TK2: variants seen among roughly 807,000 people sequenced by gnomAD.
The protein encoded by TK2 is thymidine kinase 2, mitochondrial.
A neutral mutation model predicts 41.9 loss-of-function variants in TK2; 35 were observed. The observed-to-expected ratio is 0.84, with a 90% confidence interval of 0.64 to 1.11. The LOEUF (loss-of-function observed/expected upper bound fraction) is 1.11, where lower values mean the gene tolerates loss of function less well. TK2 is among the 50% of genes least tolerant of loss of function. The probability of loss-of-function intolerance (pLI) is 0.00; values close to 1 mark genes in which losing one functional copy is unlikely to be tolerated. For missense variants in TK2, 320 were observed against 351.1 expected, an observed-to-expected ratio of 0.91 and a Z score of 0.71; for synonymous variants, 128 against 129.1, an observed-to-expected ratio of 0.99 and a Z score of 0.06.
rs572643848 is a variant in TK2, at chr16:66,508,026, C to T, written c.*3942G>A. 6.6e-6 allele frequency: 1 copy of T among 152,310 alleles called. No individual in the cohort carries two copies. Among genetic ancestry groups the T allele is most frequent in the African/African-American group, 2.4e-5 (1 of 41,578 alleles). 9.4% of individuals were successfully genotyped at this position (152,310 alleles called of 1,614,324 possible). A position where few individuals can be genotyped will look rare whatever the true frequency, so the allele number is the denominator to read the frequency against. On this transcript the variant is annotated 3_prime_UTR_variant, in exon 10 of 10. Coordinates refer to ENST00000544898, the MANE Select transcript of TK2 (RefSeq NM_004614.5). ...TGTGAATGGAAAATGGTTTATTTGA[C>T]CACTCTCTTATGTATGCATCTTTAG...
chr16:66,545,087 C>T (rs1965565556), intron 2 of TK2, among the ~76,000 whole-genome samples: 1 of 139,822 alleles, frequency 7.2e-6, no homozygotes. Flanking sequence ...GAGTGAGACC[C>T]TGTCTTCAAA....
At chr16:66,525,790 G>A (rs1032237213) in intron 6 of TK2, among the ~76,000 whole-genome samples, 1 of 152,214 alleles carries the variant, frequency 6.6e-6, no homozygotes, top group African/African-American at 2.4e-5. Flanking sequence ...CCCAAGAACA[G>A]AAAGGACACT....
In TK2 at chr16:66,514,814, T is replaced by C. The variant is rs1464813164; in HGVS notation, c.619-1003A>G. 6.6e-6 allele frequency among the ~76,000 whole-genome samples: 1 copy of C among 152,224 alleles called. No individual in the cohort carries two copies. Among genetic ancestry groups the C allele is most frequent in the Non-Finnish European group, 1.5e-5 (1 of 68,022 alleles). ...AGACATAGGAGACTCCATTTTGTTC[T>C]GTACTAAGAAAAATTCTTCTGCCTT... On this transcript the variant is annotated intron_variant, in intron 8 of 9. Coordinates refer to ENST00000544898, the MANE Select transcript of TK2 (RefSeq NM_004614.5). The surrounding 1 kb of genome is among the most constrained non-coding windows in gnomAD (Gnocchi z 4.2).
At chr16:66,515,339 A>AC (rs1964580465) in intron 8 of TK2, among the ~76,000 whole-genome samples, 1 of 151,720 alleles carries the variant, frequency 6.6e-6, no homozygotes, top group South Asian at 2.1e-4. Flanking sequence ...TTGCCCTTCT[A>AC]CCCCCTCAAC....
chr16:66,525,497 G>T (rs1334809513), intron 6 of TK2, among the ~76,000 whole-genome samples: 1 of 152,240 alleles, frequency 6.6e-6, no homozygotes, highest in East Asian at 1.9e-4. Flanking sequence ...GGTCTGGGAG[G>T]ATGAGGAAGC....
At chr16:66,519,892 A>G (rs913835805) in intron 6 of TK2, among the ~76,000 whole-genome samples, 2 of 152,178 alleles carry the variant, frequency 1.3e-5, no homozygotes, top group Non-Finnish European at 2.9e-5. Context: ...GAAGGAAGTA[A>G]GAGGCTGGAA....
intron 5 of TK2, 33 bp downstream of exon 5, chr16:66,531,347 T>C: frequency 6.2e-7 from 1 of 1,608,152 alleles, no homozygotes; most frequent in Non-Finnish European, 8.5e-7. Flanking sequence ...AGAAAACGTT[T>C]AAGAAGGCTG....
chr16:66,516,207 G>A (rs548282116), intron 8 of TK2, among the ~76,000 whole-genome samples: 1 of 152,254 alleles, frequency 6.6e-6, no homozygotes, highest in East Asian at 1.9e-4. Flanking sequence ...GGGTTACAAT[G>A]GAAGGAAGGT....
At chr16:66,547,671 T>C (rs1965650096) in intron 2 of TK2, among the ~76,000 whole-genome samples, 1 of 151,270 alleles carries the variant, frequency 6.6e-6, no homozygotes, top group South Asian at 2.1e-4. Context: ...GTCTCCCCCA[T>C]CAGACAGACC....
In TK2 at chr16:66,541,966, G is replaced by A. The variant is rs771481375; in HGVS notation, c.157-13C>T. The A allele has an allele frequency of 9.9e-6, 16 of 1,613,720 alleles. No individual in the cohort carries two copies. Among genetic ancestry groups the A allele is most frequent in the Admixed American group, 3.3e-5 (2 of 59,992 alleles). On this transcript the variant is annotated splice_polypyrimidine_tract_variant and intron_variant, in intron 2 of 9. Coordinates refer to ENST00000544898, the MANE Select transcript of TK2 (RefSeq NM_004614.5). ...CCTCGACACAGATCTGGCAAAAGAC[G>A]AATGCATATTAGAGCCAGAACTCAA...
intron 6 of TK2, among the ~76,000 whole-genome samples, chr16:66,523,702 G>A (rs1230422239): frequency 6.6e-6 from 1 of 152,002 alleles, no homozygotes; most frequent in Non-Finnish European, 1.5e-5. Flanking sequence ...GGTGGTGGGC[G>A]CCTGTAATCC....
At chr16:66,543,140 C>T (rs193044568) in intron 2 of TK2, among the ~76,000 whole-genome samples, 398 of 152,332 alleles carry the variant, frequency 2.6e-3, no homozygotes, top group East Asian at 6.8e-3. Context: ...TCCCAAAGTG[C>T]TGGGATTACA....
chr16:66,543,156 G>A (rs1360037091), intron 2 of TK2, among the ~76,000 whole-genome samples: 1 of 152,218 alleles, frequency 6.6e-6, no homozygotes, highest in Non-Finnish European at 1.5e-5. Flanking sequence ...TTACAGGCGT[G>A]AGCCACTGCA....
At chr16:66,542,051 T>A in intron 2 of TK2, 98 bp from the exon 3 acceptor site, 1 of 1,328,286 alleles carries the variant, frequency 7.5e-7, no homozygotes. Context: ...ACCAGCATAA[T>A]TGGTTCAGTC....
chr16:66,533,984 G>A (rs1385561434), intron 4 of TK2, among the ~76,000 whole-genome samples: 3 of 144,096 alleles, frequency 2.1e-5, no homozygotes, highest in East Asian at 4.0e-4. Context: ...CTCCAGCCTG[G>A]GCGACAGAGT....
At chr16:66,528,627 G>A (rs188517954) in intron 6 of TK2, among the ~76,000 whole-genome samples, 198 of 152,282 alleles carry the variant, frequency 1.3e-3, no homozygotes, top group African/African-American at 3.9e-3. Context: ...CTTTGTCACC[G>A]TGAGAAGTGG....
At chr16:66,519,858 C>A (rs1964729011) in intron 6 of TK2, among the ~76,000 whole-genome samples, 1 of 152,150 alleles carries the variant, frequency 6.6e-6, no homozygotes, top group South Asian at 2.1e-4. Flanking sequence ...GGGCTGACTC[C>A]AGTCCCACGA....
Position 66,548,963 on chromosome 16 carries a change from A to G in TK2, c.156+15T>C, listed in dbSNP as rs80083556. On this transcript the variant is annotated intron_variant, in intron 2 of 9. Transcript: ENST00000544898. The stretch of plus-strand genomic sequence containing the variant: ...CCAAATTATCCTAGAGAGTACACAT[A>G]AAAGAGGGACTTACCACTGATTTTT... 18,159 of 1,611,374 alleles carry G rather than the reference A, an allele frequency of 0.011. 1,765 individuals are homozygous for G. The African/African-American group carries it at 0.21, about 19-fold the overall frequency.
chr16:66,536,280 T>A (rs1174330723), intron 4 of TK2, among the ~76,000 whole-genome samples: 2 of 151,666 alleles, frequency 1.3e-5, no homozygotes, highest in African/African-American at 4.9e-5. Flanking sequence ...AGGCAACTTA[T>A]ATAAGTGCAA....
Sources: gnomAD v4.1 joint callset for allele counts (sites outside exome capture counted in the v4.1 genomes callset) on GRCh38, gnomAD v4.1.1 for gene constraint, Gnocchi (gnomAD v3.1) non-coding constraint, MANE v1.5 for transcripts, NCBI Gene and HGNC (gene_info 2026-07-23, HGNC 2026-07-21) for gene names.